JAZF1: variants seen among roughly 807,000 people sequenced by gnomAD.
JAZF1 encodes juxtaposed with another zinc finger protein 1.
In JAZF1, 8 loss-of-function variants were observed where a neutral mutation model predicts 26.4. The ratio of observed to expected loss-of-function variants is 0.30; its 90% CI spans 0.18 to 0.55. The LOEUF (loss-of-function observed/expected upper bound fraction) is 0.55, where lower values mean the gene tolerates loss of function less well. JAZF1 is among the 20% of genes least tolerant of loss of function. JAZF1 has a pLI of 0.94. For missense variants in JAZF1, 199 were observed against 322.0 expected (o/e 0.62, Z 2.92); for synonymous variants, 126 against 122.3 (o/e 1.03, Z -0.20).
chr7:28,021,826 G>A (rs1216002477), intron 1 of JAZF1, among the ~76,000 whole-genome samples: 1 of 152,246 alleles, frequency 6.6e-6, no homozygotes, highest in Non-Finnish European at 1.5e-5. Flanking sequence ...GGGTCCAGCA[G>A]AAGGCCCAGG....
chr7:27,970,538 T>C (rs537945074), intron 2 of JAZF1, among the ~76,000 whole-genome samples: 1 of 152,326 alleles, frequency 6.6e-6, no homozygotes, highest in Admixed American at 6.5e-5. Context: ...ATTATGAGTA[T>C]ATGGAATGAG....
chr7:28,015,873 T>C (rs1782881909), intron 1 of JAZF1, among the ~76,000 whole-genome samples: 1 of 152,164 alleles, frequency 6.6e-6, no homozygotes, highest in Non-Finnish European at 1.5e-5. Context: ...ACTGCTGTGA[T>C]GGAGATGCTC....
At chr7:28,028,118 G>T (rs897872171) in intron 1 of JAZF1, among the ~76,000 whole-genome samples, 1 of 152,192 alleles carries the variant, frequency 6.6e-6, no homozygotes, top group Non-Finnish European at 1.5e-5. Context: ...ATCAAAACAA[G>T]CCCAAGTTCA....
intron 2 of JAZF1, among the ~76,000 whole-genome samples, chr7:27,962,846 T>C (rs528073842): frequency 6.6e-6 from 1 of 152,342 alleles, no homozygotes; most frequent in South Asian, 2.1e-4. Flanking sequence ...AATTTGAACT[T>C]TGGCCCTTGC....
chr7:27,832,614 G>A lies in JAZF1; in HGVS notation c.*186C>T, dbSNP rs1202528022. On this transcript the variant is annotated 3_prime_UTR_variant, in exon 5 of 5. Transcript: ENST00000283928. Reference sequence around the variant, plus strand: ...ATGAAAATGGGTATGATGATTACATGTGCAAATGTACAAAATCATTAACTC... The same window carrying A: ...ATGAAAATGGGTATGATGATTACATATGCAAATGTACAAAATCATTAACTC... 5 of 452,598 alleles carry A rather than the reference G, an allele frequency of 1.1e-5. No individual in the cohort carries two copies. Among genetic ancestry groups the A allele is most frequent in the Non-Finnish European group, 1.9e-5 (5 of 260,716 alleles). The allele number at this position is 452,598 out of a possible 1,614,324, so 28.0% of individuals were successfully genotyped here.
chr7:28,114,842 G>A (rs1310377837), intron 1 of JAZF1, among the ~76,000 whole-genome samples: 3 of 151,746 alleles, frequency 2.0e-5, no homozygotes, highest in African/African-American at 4.8e-5. Flanking sequence ...CCACGTGAAC[G>A]GGGCTTATAG....
intron 1 of JAZF1, among the ~76,000 whole-genome samples, chr7:28,037,432 C>G (rs1279871034): frequency 6.6e-6 from 1 of 152,094 alleles, no homozygotes; most frequent in Non-Finnish European, 1.5e-5. Context: ...AGTTTTATGA[C>G]TCATGTAAAA....
chr7:27,978,499 G>A (rs768946368), intron 2 of JAZF1, among the ~76,000 whole-genome samples: 1 of 152,188 alleles, frequency 6.6e-6, no homozygotes, highest in Non-Finnish European at 1.5e-5. Context: ...CCCAGACGAT[G>A]ATGAGTAAAA....
intron 2 of JAZF1, chr7:27,913,518 C>G (rs894959623): frequency 9.4e-6 from 3 of 319,842 alleles, no homozygotes; most frequent in African/African-American, 2.3e-5. Context: ...GGGAGGGGCG[C>G]TGCGGAGCTA....
At chr7:27,937,703 T>C (rs1429414929) in intron 2 of JAZF1, among the ~76,000 whole-genome samples, 2 of 149,994 alleles carry the variant, frequency 1.3e-5, no homozygotes, top group African/African-American at 2.4e-5. Context: ...CAATATGCTA[T>C]GAAAAAGCTT....
chr7:28,155,045 C>G (rs1181018086), intron 1 of JAZF1, among the ~76,000 whole-genome samples: 1 of 152,142 alleles, frequency 6.6e-6, no homozygotes, highest in East Asian at 1.9e-4. Flanking sequence ...TTGCGGTTTA[C>G]TAAATTTGGT....
At chr7:28,113,594 C>G (rs1784696718) in intron 1 of JAZF1, among the ~76,000 whole-genome samples, 1 of 152,206 alleles carries the variant, frequency 6.6e-6, no homozygotes, top group African/African-American at 2.4e-5. Context: ...AGGCACAGTG[C>G]TAGGCCCCTG....
intron 2 of JAZF1, among the ~76,000 whole-genome samples, chr7:27,930,238 G>A (rs1038685834): frequency 6.6e-5 from 10 of 152,014 alleles, no homozygotes; most frequent in Non-Finnish European, 1.2e-4. Flanking sequence ...CTCATGATCC[G>A]CCCGCCTTGG....
At chr7:27,991,562 A>G (rs1376340323) in intron 2 of JAZF1, among the ~76,000 whole-genome samples, 1 of 152,208 alleles carries the variant, frequency 6.6e-6, no homozygotes, top group Non-Finnish European at 1.5e-5. Context: ...TTGAATTCAT[A>G]AAGTACTTCT....
At chr7:27,867,395 C>T (rs531210776) in intron 3 of JAZF1, among the ~76,000 whole-genome samples, 126 of 152,286 alleles carry the variant, frequency 8.3e-4, no homozygotes, top group Middle Eastern at 3.4e-3. Context: ...TGAAAGTTCA[C>T]GCAAATCTCA....
rs142669284 is a variant in JAZF1, at chr7:27,918,505, T to C, written c.189-23089A>G. ...ATGTTGTAGGCATCTTTGTACCATC[T>C]TGAGCAAAGGAGGAAAATGAGTAGT... is the stretch of plus-strand genomic sequence containing the variant. On this transcript the variant is annotated intron_variant, in intron 2 of 4. Coordinates refer to ENST00000283928, the MANE Select transcript of JAZF1 (RefSeq NM_175061.4). Among the ~76,000 whole-genome samples, 414 of 152,322 alleles carry C rather than the reference T, an allele frequency of 2.7e-3. 2 individuals are homozygous for C. The highest frequency in any genetic ancestry group is 4.3e-3 in the Non-Finnish European group (291 of 68,032).
chr7:27,855,400 A>G (rs893409846), intron 3 of JAZF1, among the ~76,000 whole-genome samples: 1 of 152,138 alleles, frequency 6.6e-6, no homozygotes, highest in South Asian at 2.1e-4. Flanking sequence ...TAGAGACACA[A>G]AAAACCCTTC....
At chr7:28,012,128 T>C (rs17156173) in intron 1 of JAZF1, among the ~76,000 whole-genome samples, 7,062 of 152,232 alleles carry the variant, frequency 0.046, 263 homozygotes, top group African/African-American at 0.097. Context: ...TTTAGAGTAA[T>C]GATCTCCAGG....
chr7:28,050,493 G>T (rs1193430879), intron 1 of JAZF1, among the ~76,000 whole-genome samples: 1 of 149,572 alleles, frequency 6.7e-6, no homozygotes, highest in Non-Finnish European at 1.5e-5. Flanking sequence ...TATATGAATT[G>T]TATTCCACAA....
Sources: allele counts gnomAD v4.1 joint callset (sites outside exome capture counted in the v4.1 genomes callset), GRCh38; gene constraint gnomAD v4.1.1; transcripts MANE v1.5; gene names NCBI Gene and HGNC (gene_info 2026-07-23, HGNC 2026-07-21).